Variants in TENM4 observed in about 807,000 individuals in gnomAD.
TENM4 encodes the protein teneurin-4.
A neutral mutation model predicts 243.3 loss-of-function variants in TENM4; 82 were observed. The ratio of observed to expected loss-of-function variants is 0.34; its 90% CI spans 0.28 to 0.40. The LOEUF is 0.40. Among genes scored for constraint, TENM4 ranks in the 10% least tolerant of loss-of-function variants. TENM4 has a pLI of 1.00. For synonymous variants in TENM4, 1,412 were observed against 1,456.3 expected (o/e 0.97, Z 0.69); for missense variants, 3,138 against 3,673.3 (o/e 0.85, Z 3.77).
chr11:78,769,763 C>A (rs551069989), intron 18 of TENM4, among the ~76,000 whole-genome samples: 1 of 152,252 alleles, frequency 6.6e-6, no homozygotes, highest in Admixed American at 6.5e-5. Context: ...GGCCCAATTA[C>A]CTCCTGGATT....
intron 23 of TENM4, among the ~76,000 whole-genome samples, chr11:78,725,518 C>G (rs1565350588): frequency 6.6e-6 from 1 of 152,202 alleles, no homozygotes; most frequent in Non-Finnish European, 1.5e-5. Context: ...CCCTGGGTTC[C>G]AGCTGCTCAC....
intron 25 of TENM4, among the ~76,000 whole-genome samples, chr11:78,717,196 GT>G (rs1357679109): frequency 6.6e-6 from 1 of 152,204 alleles, no homozygotes; most frequent in Admixed American, 6.5e-5. Context: ...CATTCCTGAA[GT>G]TAATGAGCTG....
intron 1 of TENM4, among the ~76,000 whole-genome samples, chr11:79,401,770 G>C (rs989949581): frequency 6.6e-6 from 1 of 152,214 alleles, no homozygotes; most frequent in Non-Finnish European, 1.5e-5. Context: ...GGGGGACCAA[G>C]TCCAGGAGCC....
At chr11:79,081,437 T>G (rs1860669936) in intron 4 of TENM4, among the ~76,000 whole-genome samples, 1 of 152,070 alleles carries the variant, frequency 6.6e-6, no homozygotes, top group Non-Finnish European at 1.5e-5. Flanking sequence ...ACACTGATGC[T>G]AAGCTGAAAG....
intron 2 of TENM4, among the ~76,000 whole-genome samples, chr11:79,222,938 G>A (rs1343567861): frequency 6.6e-6 from 1 of 151,994 alleles, no homozygotes; most frequent in South Asian, 2.1e-4. Flanking sequence ...TGAACAATGA[G>A]AACACATGAA....
chr11:78,755,522 C>G (rs2135950843), intron 19 of TENM4, among the ~76,000 whole-genome samples: 2 of 152,260 alleles, frequency 1.3e-5, no homozygotes, highest in South Asian at 4.2e-4. Context: ...TCATTGATGG[C>G]TCCCAAATCA....
intron 3 of TENM4, among the ~76,000 whole-genome samples, chr11:79,189,384 TA>T (rs575613495): frequency 1.4e-4 from 22 of 152,346 alleles, no homozygotes; most frequent in African/African-American, 4.1e-4. Context: ...GCATTTATCA[TA>T]ATTATATGAT....
At chr11:79,162,204 A>T (rs1339432739) in intron 3 of TENM4, among the ~76,000 whole-genome samples, 2 of 152,212 alleles carry the variant, frequency 1.3e-5, no homozygotes, top group African/African-American at 4.8e-5. Flanking sequence ...AGTGGTCAAG[A>T]TCATGGCCTT....
At chr11:79,345,371 C>G (rs1392316523) in intron 1 of TENM4, among the ~76,000 whole-genome samples, 2 of 152,206 alleles carry the variant, frequency 1.3e-5, no homozygotes, top group African/African-American at 4.8e-5. Context: ...ACACTTCCCT[C>G]TCTCATTTTT....
At chr11:79,387,555 G>A (rs1858142799) in intron 1 of TENM4, among the ~76,000 whole-genome samples, 1 of 152,144 alleles carries the variant, frequency 6.6e-6, no homozygotes, top group African/African-American at 2.4e-5. Context: ...ATGACAGTGG[G>A]GGAAGCTTGT....
chr11:78,935,097 C>T (rs1378532348), intron 6 of TENM4, among the ~76,000 whole-genome samples: 2 of 146,176 alleles, frequency 1.4e-5, no homozygotes, highest in South Asian at 2.2e-4. Flanking sequence ...CTGCAAGCTC[C>T]GCTTCCCGGG....
chr11:78,891,379 T>C lies in TENM4; in HGVS notation c.750-43A>G, dbSNP rs569777460. On this transcript the variant is annotated intron_variant, in intron 7 of 33. Coordinates refer to ENST00000278550, the MANE Select transcript of TENM4 (RefSeq NM_001098816.3). ...CATGAATGAAGCAATGAGTCATGCA[T>C]TGATGAAGGGGGCTAGTAGAGAAAC... The C allele has an allele frequency of 2.5e-4, 375 of 1,508,950 alleles. 1 individual carries two copies. The South Asian group carries it at 3.6e-3, about 15-fold the overall frequency. The allele number at this position is 1,508,950 out of a possible 1,614,324, so 93.5% of individuals were successfully genotyped here. A position where few individuals can be genotyped will look rare whatever the true frequency, so the allele number is the denominator to read the frequency against.
intron 1 of TENM4, among the ~76,000 whole-genome samples, chr11:79,339,722 G>GA (rs57920060): frequency 0.21 from 31,152 of 151,490 alleles, 3,527 homozygotes; most frequent in East Asian, 0.35. Flanking sequence ...GCAAGAGAGG[G>GA]AAAAAAAATG....
chr11:79,137,718 C>A (rs1862138390), intron 4 of TENM4, among the ~76,000 whole-genome samples: 1 of 152,134 alleles, frequency 6.6e-6, no homozygotes, highest in African/African-American at 2.4e-5. Context: ...TATCATGTGA[C>A]ATAAGATTTA....
chr11:79,262,626 C>G (rs1462136986), intron 2 of TENM4, among the ~76,000 whole-genome samples: 1 of 152,190 alleles, frequency 6.6e-6, no homozygotes, highest in African/African-American at 2.4e-5. Flanking sequence ...AGATGTAACT[C>G]TGAAAACAAT....
At chr11:79,173,922 G>T (rs918463718) in intron 3 of TENM4, among the ~76,000 whole-genome samples, 3 of 152,178 alleles carry the variant, frequency 2.0e-5, no homozygotes, top group South Asian at 2.1e-4. Context: ...GAGACAGAGG[G>T]TTATAAGGGA....
intron 16 of TENM4, among the ~76,000 whole-genome samples, chr11:78,782,289 C>G (rs1856853084): frequency 6.6e-6 from 1 of 151,444 alleles, no homozygotes; most frequent in Non-Finnish European, 1.5e-5. Flanking sequence ...TGGTGAAACC[C>G]CGTCACTACT....
At position 78,889,919 on chromosome 11, in the gene TENM4, G is replaced by A. The variant is rs1449724621; in HGVS notation, c.950C>T (p.Pro317Leu). The change falls in exon 9 of 34, where the codon CCC becomes CTC. Residue 317 changes from proline (P) to leucine (L), a missense_variant. Physicochemically the swap from Pro to Leu is moderately conservative, Grantham distance 98 (BLOSUM62 -3). This residue lies in a region of TENM4 where 671 missense variants were observed against 614.1 expected (regional missense o/e 1.09). Transcript: ENST00000278550. The part of the protein sequence containing the change: ...SSTVYSPPPR[P>L]LPRSTFARPA... ...CCGGGCGAAGGTGCTGCGGGGCAGG[G>A]GTCGGGGCGGAGGAGAGTACACTGT... 6.4e-7 allele frequency: 1 copy of A among 1,551,764 alleles called. No homozygotes were observed. Among genetic ancestry groups the A allele is most frequent in the Non-Finnish European group, 8.7e-7 (1 of 1,147,020 alleles).
chr11:79,364,932 T>C (rs989483670), intron 1 of TENM4, among the ~76,000 whole-genome samples: 1 of 152,242 alleles, frequency 6.6e-6, no homozygotes, highest in Non-Finnish European at 1.5e-5. Flanking sequence ...AACAGATACA[T>C]TGCTTTTTCT....
Sources: gnomAD v4.1 joint callset for allele counts (sites outside exome capture counted in the v4.1 genomes callset) on GRCh38, gnomAD v4.1.1 for gene constraint, gnomAD v4.1.1 regional missense constraint, MANE v1.5 for transcripts, NCBI Gene and HGNC (gene_info 2026-07-23, HGNC 2026-07-21) for gene names.